GRM5: variants seen among roughly 807,000 people sequenced by gnomAD.
GRM5 encodes the protein glutamate metabotropic receptor 5.
Under a neutral mutation model 83.1 loss-of-function variants are expected in GRM5, and 19 were observed. That is an observed-to-expected ratio of 0.23 (90% CI 0.16 to 0.34). The LOEUF (loss-of-function observed/expected upper bound fraction) is 0.34, where lower values mean the gene tolerates loss of function less well. Among genes scored for constraint, GRM5 ranks in the 10% least tolerant of loss-of-function variants. GRM5 has a pLI of 1.00. For missense variants in GRM5, 1,160 were observed against 1,588.3 expected (o/e 0.73, Z 4.58); for synonymous variants, 675 against 633.6 (o/e 1.07, Z -0.98).
chr11:88,779,737 TTA>T, intron 3 of GRM5, among the ~76,000 whole-genome samples: 1 of 152,214 alleles, frequency 6.6e-6, no homozygotes, highest in South Asian at 2.1e-4. Flanking sequence ...ATTTGGATTC[TTA>T]GTCACCGAAA....
At chr11:89,001,986 C>G (rs1940396896) in intron 2 of GRM5, among the ~76,000 whole-genome samples, 1 of 152,034 alleles carries the variant, frequency 6.6e-6, no homozygotes. Flanking sequence ...CAAAAAGCAC[C>G]TACATTTCTT....
chr11:88,582,494 T>A (rs1943231995), intron 7 of GRM5, among the ~76,000 whole-genome samples: 1 of 152,210 alleles, frequency 6.6e-6, no homozygotes, highest in African/African-American at 2.4e-5. Flanking sequence ...GCCAGCTGTA[T>A]AGCATATGCT....
intron 3 of GRM5, among the ~76,000 whole-genome samples, chr11:88,699,991 G>C (rs1258646904): frequency 6.6e-6 from 1 of 152,142 alleles, no homozygotes; most frequent in East Asian, 1.9e-4. Flanking sequence ...GGGGAGTCCT[G>C]AAAGATAATG....
At position 88,609,449 on chromosome 11, in the gene GRM5, G is replaced by T. The variant is rs1237244769; in HGVS notation, c.1148-4485C>A. 3.3e-5 allele frequency among the ~76,000 whole-genome samples: 5 copies of T among 152,096 alleles called. No homozygotes were observed. In the East Asian group the frequency reaches 9.6e-4, roughly 29 times the overall value. ...GCATCTTGGTTGATTACATGTATTT[G>T]CTATTGTGAACAGCACTGTGATGAA... On this transcript the variant is annotated intron_variant, in intron 4 of 9. Coordinates refer to ENST00000305447, the MANE Select transcript of GRM5 (RefSeq NM_001143831.3).
At chr11:88,958,983 T>A (rs1938704258) in intron 2 of GRM5, among the ~76,000 whole-genome samples, 1 of 152,142 alleles carries the variant, frequency 6.6e-6, no homozygotes, top group African/African-American at 2.4e-5. Context: ...GTTGGATTTT[T>A]ATAGCTATCG....
At chr11:88,963,306 G>A (rs1938840901) in intron 2 of GRM5, among the ~76,000 whole-genome samples, 1 of 152,264 alleles carries the variant, frequency 6.6e-6, no homozygotes, top group East Asian at 1.9e-4. Context: ...CTTTCTAATA[G>A]TAATAAAATT....
At chr11:88,913,402 T>C (rs1032647167) in intron 2 of GRM5, among the ~76,000 whole-genome samples, 2 of 151,902 alleles carry the variant, frequency 1.3e-5, no homozygotes, top group African/African-American at 4.8e-5. Context: ...TCCAGCTGGG[T>C]TAATGGAAGG....
chr11:89,038,165 G>A (rs1250481167), intron 2 of GRM5, among the ~76,000 whole-genome samples: 1 of 151,882 alleles, frequency 6.6e-6, no homozygotes, highest in Admixed American at 6.6e-5. Context: ...GTGTGTGTGT[G>A]TGTGTGTGTG....
chr11:89,059,014 A>C (rs942869766), intron 1 of GRM5, among the ~76,000 whole-genome samples: 4 of 152,164 alleles, frequency 2.6e-5, no homozygotes, highest in African/African-American at 4.8e-5. Flanking sequence ...TTTTTCAAAA[A>C]ATATTTTTGA....
At chr11:88,984,693 G>C (rs12801730) in intron 2 of GRM5, 1 of 596,562 alleles carries the variant, frequency 1.7e-6, no homozygotes, top group African/African-American at 1.9e-5. Context: ...AATCAAAAAG[G>C]GTTAAAAGTT....
intron 3 of GRM5, among the ~76,000 whole-genome samples, chr11:88,846,222 TTAAA>T (rs995996579): frequency 6.1e-4 from 93 of 152,360 alleles, no homozygotes; most frequent in African/African-American, 2.2e-3. Flanking sequence ...CAAGTCTTAT[TTAAA>T]TTTCTAACTT....
chr11:88,696,490 T>C (rs1247947530), intron 3 of GRM5, among the ~76,000 whole-genome samples: 1 of 152,180 alleles, frequency 6.6e-6, no homozygotes, highest in Non-Finnish European at 1.5e-5. Context: ...CTTCTGTGGT[T>C]AAGAATGACA....
chr11:89,008,984 T>A, intron 2 of GRM5: 2 of 632,738 alleles, frequency 3.2e-6, no homozygotes, highest in Non-Finnish European at 5.8e-6. Context: ...AACTTTTTAC[T>A]TACAACTAAT....
At position 89,047,172 on chromosome 11, in the gene GRM5, G is replaced by A. The variant is rs1308911261; in HGVS notation, c.661+40C>T. On this transcript the variant is annotated intron_variant, in intron 2 of 9. Transcript: ENST00000305447. This position sits in a 1 kb window ranked among gnomAD's most constrained non-coding sequence, Gnocchi z 5.1. Reference sequence around the variant, plus strand: ...AAACCTGAAATTGTAACTGTTGAGTGCATAATAATATATACTCGATGTATG... The same window carrying A: ...AAACCTGAAATTGTAACTGTTGAGTACATAATAATATATACTCGATGTATG... 1.4e-6 allele frequency: 2 copies of A among 1,432,968 alleles called. No homozygotes were observed. Among genetic ancestry groups the A allele is most frequent in the East Asian group, 2.3e-5 (1 of 43,698 alleles). 88.8% of individuals were successfully genotyped at this position (1,432,968 alleles called of 1,614,324 possible).
intron 2 of GRM5, among the ~76,000 whole-genome samples, chr11:88,928,902 G>GTATATATA (rs149267365): frequency 0.07 from 4,188 of 60,224 alleles, 211 homozygotes; most frequent in African/African-American, 0.13. Context: ...ATGTGTATGT[G>GTATATATA]TATATACACA....
chr11:88,973,973 CA>C (rs1203330968), intron 2 of GRM5, among the ~76,000 whole-genome samples: 10 of 152,192 alleles, frequency 6.6e-5, no homozygotes, highest in Non-Finnish European at 1.2e-4. Flanking sequence ...GGAGGAAGAT[CA>C]ACACTTTCTA....
chr11:88,937,113 T>C (rs1937926016), intron 2 of GRM5, among the ~76,000 whole-genome samples: 1 of 151,684 alleles, frequency 6.6e-6, no homozygotes, highest in Non-Finnish European at 1.5e-5. Flanking sequence ...TATAACAAGT[T>C]CATTTGAGTC....
At chr11:88,569,791 T>C (rs1942948166) in intron 7 of GRM5, among the ~76,000 whole-genome samples, 1 of 152,228 alleles carries the variant, frequency 6.6e-6, no homozygotes, top group Admixed American at 6.5e-5. Context: ...TCCTTTCATT[T>C]ATTTATTTTC....
chr11:88,819,180 G>T (rs561664711), intron 3 of GRM5, among the ~76,000 whole-genome samples: 43 of 152,302 alleles, frequency 2.8e-4, no homozygotes, highest in South Asian at 1.2e-3. Flanking sequence ...AAAATAAATA[G>T]GTTTGAGGCT....
Sources: allele counts gnomAD v4.1 joint callset (sites outside exome capture counted in the v4.1 genomes callset), GRCh38; gene constraint gnomAD v4.1.1; non-coding constraint Gnocchi (gnomAD v3.1); transcripts MANE v1.5; gene names NCBI Gene and HGNC (gene_info 2026-07-23, HGNC 2026-07-21).